Variants in SLMAP observed in about 807,000 individuals in gnomAD.
The protein encoded by SLMAP is sarcolemmal membrane-associated protein.
Under a neutral mutation model 128.8 loss-of-function variants are expected in SLMAP, and 44 were observed. That is an observed-to-expected ratio of 0.34 (90% CI 0.27 to 0.44). SLMAP has a LOEUF of 0.44. SLMAP is among the 20% of genes least tolerant of loss of function. The pLI is 1.00. For missense variants in SLMAP, 787 were observed against 985.3 expected, an observed-to-expected ratio of 0.80 and a Z score of 2.69; for synonymous variants, 327 against 348.8, an observed-to-expected ratio of 0.94 and a Z score of 0.70.
At chr3:57,834,888 G>C (rs979658617) in intron 3 of SLMAP, among the ~76,000 whole-genome samples, 1 of 152,042 alleles carries the variant, frequency 6.6e-6, no homozygotes, top group African/African-American at 2.4e-5. Context: ...TTGGGAGTCT[G>C]AGGCAGGTGG....
At chr3:57,886,580 GT>G (rs769814401) in intron 14 of SLMAP, among the ~76,000 whole-genome samples, 1,746 of 138,526 alleles carry the variant, frequency 0.013, 19 homozygotes, top group African/African-American at 0.024. Flanking sequence ...AAGGCAAGAG[GT>G]TTTTTTTTTT....
chr3:57,878,926 G>A (rs922192442), intron 14 of SLMAP, among the ~76,000 whole-genome samples: 2 of 152,156 alleles, frequency 1.3e-5, no homozygotes, highest in Admixed American at 6.5e-5. Flanking sequence ...CAATCAGTTT[G>A]TTTCAGATCC....
At chr3:57,895,981 G>A (rs893830957) in intron 15 of SLMAP, among the ~76,000 whole-genome samples, 1 of 151,026 alleles carries the variant, frequency 6.6e-6, no homozygotes, top group Non-Finnish European at 1.5e-5. Flanking sequence ...TGTGATTCAG[G>A]GACAGTTATC....
intron 2 of SLMAP, among the ~76,000 whole-genome samples, chr3:57,767,733 A>G (rs1406596627): frequency 6.6e-6 from 1 of 152,342 alleles, no homozygotes; most frequent in East Asian, 1.9e-4. Flanking sequence ...GGTTATTTGT[A>G]CAAGATCATC....
intron 14 of SLMAP, among the ~76,000 whole-genome samples, chr3:57,884,414 A>G (rs1039127363): frequency 3.0e-4 from 46 of 152,328 alleles, no homozygotes; most frequent in African/African-American, 1.1e-3. Flanking sequence ...AAGTCTCTGT[A>G]CTGAATCAGA....
intron 2 of SLMAP, among the ~76,000 whole-genome samples, chr3:57,804,857 G>A (rs1432366961): frequency 6.6e-6 from 1 of 151,974 alleles, no homozygotes; most frequent in East Asian, 1.9e-4. Context: ...CTATAGGTAG[G>A]GATACATCTG....
At chr3:57,851,607 G>C (rs1170640215) in intron 6 of SLMAP, among the ~76,000 whole-genome samples, 1 of 151,806 alleles carries the variant, frequency 6.6e-6, no homozygotes, top group Non-Finnish European at 1.5e-5. Flanking sequence ...CGAGTAGCTG[G>C]AATTAAAAGC....
chr3:57,867,879 A>T (rs1439076512), intron 13 of SLMAP, among the ~76,000 whole-genome samples: 1 of 152,194 alleles, frequency 6.6e-6, no homozygotes, highest in Non-Finnish European at 1.5e-5. Context: ...TACTAAAAGC[A>T]CAGGTTTTGT....
chr3:57,794,220 C>A (rs937572346), intron 2 of SLMAP, among the ~76,000 whole-genome samples: 2 of 151,796 alleles, frequency 1.3e-5, no homozygotes, highest in African/African-American at 4.9e-5. Context: ...ATAGAACTTT[C>A]CAAAATTCTG....
intron 2 of SLMAP, among the ~76,000 whole-genome samples, chr3:57,765,681 T>A (rs951992513): frequency 1.4e-4 from 22 of 152,244 alleles, no homozygotes; most frequent in African/African-American, 4.3e-4. Context: ...TTAAGTTTTT[T>A]GTTGACAGAA....
intron 2 of SLMAP, among the ~76,000 whole-genome samples, chr3:57,822,142 A>G (rs2092577363): frequency 6.6e-6 from 1 of 152,152 alleles, no homozygotes; most frequent in South Asian, 2.1e-4. Flanking sequence ...TGCCAAGTAG[A>G]TGTTACAGAC....
At chr3:57,864,473 A>C in intron 10 of SLMAP, 75 bp from the exon 11 acceptor site, 1 of 943,152 alleles carries the variant, frequency 1.1e-6, no homozygotes, top group Middle Eastern at 3.5e-4. Flanking sequence ...GTTTAAGTGA[A>C]TAAAGGCATT....
chr3:57,904,296 T>TG (rs2096471893), intron 17 of SLMAP, among the ~76,000 whole-genome samples: 1 of 152,178 alleles, frequency 6.6e-6, no homozygotes, highest in African/African-American at 2.4e-5. Context: ...CAGAGGTACA[T>TG]GCCTGTAGTC....
In SLMAP at chr3:57,912,316, A is replaced by G; in HGVS notation, c.1700-65A>G. 2.1e-6 allele frequency: 3 copies of G among 1,413,880 alleles called. No homozygotes were observed. In the South Asian group the frequency reaches 3.7e-5, roughly 18 times the overall value. The allele number at this position is 1,413,880 out of a possible 1,614,324, so 87.6% of individuals were successfully genotyped here. ...TGACAACCCAGGTTATGCATTAGCTACAATCCTGTATGGATTATTCTTTTA... is the reference window on the plus strand; with the variant it reads ...TGACAACCCAGGTTATGCATTAGCTGCAATCCTGTATGGATTATTCTTTTA... On this transcript the variant is annotated intron_variant, in intron 19 of 24. Coordinates refer to ENST00000671191, the MANE Select transcript of SLMAP (RefSeq NM_001377540.1).
At position 57,793,587 on chromosome 3, in the gene SLMAP, T is replaced by C. The variant is rs118121188; in HGVS notation, c.198+35738T>C. On this transcript the variant is annotated intron_variant, in intron 2 of 24. Transcript: ENST00000671191. Reference sequence around the variant, plus strand: ...CAAATCCAGCATAATTAATTTGTCCTATTAATTTACTGTGTAATAGCAATA... The same window carrying C: ...CAAATCCAGCATAATTAATTTGTCCCATTAATTTACTGTGTAATAGCAATA... Among the ~76,000 whole-genome samples the C allele has an allele frequency of 1.9e-4, 29 of 152,342 alleles. 1 individual carries two copies. The East Asian group carries it at 5.4e-3, about 28-fold the overall frequency.
At chr3:57,893,445 GA>G (rs111543189) in intron 15 of SLMAP, among the ~76,000 whole-genome samples, 44,187 of 134,710 alleles carry the variant, frequency 0.33, 6,775 homozygotes, top group East Asian at 0.52. Flanking sequence ...AGAAAGAAAA[GA>G]AAAAAAAAAA....
In SLMAP at chr3:57,922,742, A is replaced by G. The variant is rs141099453; in HGVS notation, c.2311-147A>G. 3.2e-3 allele frequency: 2,230 copies of G among 704,880 alleles called. 72 individuals carry two copies. The East Asian group carries it at 0.052, about 17-fold the overall frequency. 43.7% of individuals were successfully genotyped at this position (704,880 alleles called of 1,614,324 possible). Reference sequence around the variant, plus strand: ...GCGCCCGGCCAAAAGACTTCTTATGAGTGCAAGTTATTCCTCCTTAAACAA... The same window carrying G: ...GCGCCCGGCCAAAAGACTTCTTATGGGTGCAAGTTATTCCTCCTTAAACAA... On this transcript the variant is annotated intron_variant, in intron 22 of 24. Transcript: ENST00000671191.
intron 14 of SLMAP, among the ~76,000 whole-genome samples, chr3:57,880,395 G>C (rs1247720700): frequency 2.0e-5 from 3 of 151,910 alleles, no homozygotes; most frequent in African/African-American, 7.3e-5. Context: ...AGAGATGGGG[G>C]TTTCATCATT....
intron 14 of SLMAP, among the ~76,000 whole-genome samples, chr3:57,887,431 C>G (rs986495264): frequency 6.6e-6 from 1 of 151,994 alleles, no homozygotes; most frequent in Non-Finnish European, 1.5e-5. Flanking sequence ...AGGCTGGTCT[C>G]GAACTCCTGA....
Sources: gnomAD v4.1 joint callset for allele counts (sites outside exome capture counted in the v4.1 genomes callset) on GRCh38, gnomAD v4.1.1 for gene constraint, MANE v1.5 for transcripts, NCBI Gene and HGNC (gene_info 2026-07-23, HGNC 2026-07-21) for gene names.